ZDHHC14: variants seen among roughly 807,000 people sequenced by gnomAD.
ZDHHC14 encodes the protein zDHHC palmitoyltransferase 14.
A neutral mutation model predicts 47.7 loss-of-function variants in ZDHHC14; 16 were observed. That is an observed-to-expected ratio of 0.34 (90% CI 0.23 to 0.51). The LOEUF (loss-of-function observed/expected upper bound fraction) is 0.51. ZDHHC14 is among the 20% of genes least tolerant of loss of function. The pLI, the probability that ZDHHC14 is intolerant of heterozygous loss-of-function variation, is 0.97. For missense variants in ZDHHC14, 515 were observed against 662.5 expected (o/e 0.78, Z 2.44); for synonymous variants, 293 against 278.9 (o/e 1.05, Z -0.50).
At chr6:157,593,801 C>T (rs957388473) in intron 3 of ZDHHC14, among the ~76,000 whole-genome samples, 8 of 152,200 alleles carry the variant, frequency 5.3e-5, no homozygotes, top group South Asian at 2.1e-4. Flanking sequence ...ATTTGGCAAG[C>T]GCCTGTTGTC....
chr6:157,432,266 C>T (rs1241580177), intron 1 of ZDHHC14, among the ~76,000 whole-genome samples: 3 of 152,120 alleles, frequency 2.0e-5, no homozygotes, highest in Non-Finnish European at 4.4e-5. Context: ...GAGGAAAGAA[C>T]CTTATCTTGC....
At chr6:157,460,057 C>CAAAAAAAAA (rs35995673) in intron 1 of ZDHHC14, among the ~76,000 whole-genome samples, 5 of 118,178 alleles carry the variant, frequency 4.2e-5, no homozygotes, top group Admixed American at 8.9e-5. Context: ...ACTAAAAATA[C>CAAAAAAAAA]AAAAAAAAAA....
intron 6 of ZDHHC14, 139 bp downstream of exon 6, chr6:157,645,978 C>T (rs1274643354): frequency 2.3e-5 from 15 of 664,322 alleles, no homozygotes; most frequent in Middle Eastern, 3.6e-4. Context: ...GAGACGGTGC[C>T]GTGGAAACTT....
chr6:157,383,490 A>G, intron 1 of ZDHHC14, among the ~76,000 whole-genome samples: 1 of 152,158 alleles, frequency 6.6e-6, no homozygotes, highest in African/African-American at 2.4e-5. Flanking sequence ...GCTCTTCCAA[A>G]TGCTGTCTCA....
intron 1 of ZDHHC14, among the ~76,000 whole-genome samples, chr6:157,518,459 T>C (rs780049063): frequency 3.9e-5 from 6 of 151,996 alleles, no homozygotes; most frequent in African/African-American, 9.7e-5. Context: ...CCAGAGTCAG[T>C]GTGTGGTGGA....
intron 3 of ZDHHC14, among the ~76,000 whole-genome samples, chr6:157,614,135 G>A (rs920617841): frequency 6.6e-6 from 1 of 152,160 alleles, no homozygotes; most frequent in African/African-American, 2.4e-5. Context: ...CTCTTGGTAG[G>A]GGGGATGGGG....
chr6:157,581,070 T>A (rs62423203), intron 2 of ZDHHC14, among the ~76,000 whole-genome samples: 4 of 151,958 alleles, frequency 2.6e-5, no homozygotes, highest in African/African-American at 9.7e-5. Context: ...TGCTATAAAC[T>A]TCCATCTGAA....
chr6:157,511,260 C>T (rs906542452), intron 1 of ZDHHC14, among the ~76,000 whole-genome samples: 1 of 152,192 alleles, frequency 6.6e-6, no homozygotes, highest in Admixed American at 6.5e-5. Context: ...AGGAATCGCC[C>T]GCACCTGGAA....
chr6:157,606,197 G>T (rs1383797195), intron 3 of ZDHHC14, among the ~76,000 whole-genome samples: 1 of 152,168 alleles, frequency 6.6e-6, no homozygotes, highest in Admixed American at 6.5e-5. Flanking sequence ...GGAAGCGGTG[G>T]CTCATGCCTG....
rs773464822 is a variant in ZDHHC14 at position 157,586,427 on chromosome 6, C to T, written c.407-6561C>T. 4.6e-5 allele frequency among the ~76,000 whole-genome samples: 7 copies of T among 152,144 alleles called. No homozygotes were observed. The highest frequency in any genetic ancestry group is 1.0e-4 in the Non-Finnish European group (7 of 68,034). ...CCTGGAAGTAGAAAACAGCATTGCC[C>T]GCTCAGGGAAACCCAAGGAGGCCAC... On this transcript the variant is annotated intron_variant, in intron 2 of 8. Coordinates refer to ENST00000359775, the MANE Select transcript of ZDHHC14 (RefSeq NM_024630.3). The surrounding 1 kb of genome is among the most constrained non-coding windows in gnomAD (Gnocchi z 4.6).
At chr6:157,487,977 A>G (rs1779823928) in intron 1 of ZDHHC14, among the ~76,000 whole-genome samples, 1 of 152,044 alleles carries the variant, frequency 6.6e-6, no homozygotes, top group Non-Finnish European at 1.5e-5. Context: ...GCTGGAGATC[A>G]TCCCCTCTGC....
At chr6:157,607,160 A>T (rs1246481752) in intron 3 of ZDHHC14, among the ~76,000 whole-genome samples, 1 of 152,130 alleles carries the variant, frequency 6.6e-6, no homozygotes, top group Admixed American at 6.5e-5. Flanking sequence ...ACATGCTGGG[A>T]AGGGGTTCAC....
chr6:157,571,096 G>A (rs1448723065), intron 2 of ZDHHC14, among the ~76,000 whole-genome samples: 1 of 152,160 alleles, frequency 6.6e-6, no homozygotes, highest in Non-Finnish European at 1.5e-5. Context: ...AAAACAATTT[G>A]TAGGAATATT....
At chr6:157,633,051 A>G (rs1776783596) in intron 5 of ZDHHC14, among the ~76,000 whole-genome samples, 169 bp downstream of exon 5, 1 of 152,172 alleles carries the variant, frequency 6.6e-6, no homozygotes, top group African/African-American at 2.4e-5. Flanking sequence ...GACTACTTCC[A>G]TCCCTGAGTG....
intron 1 of ZDHHC14, among the ~76,000 whole-genome samples, chr6:157,444,625 C>T (rs889821172): frequency 2.4e-4 from 36 of 151,468 alleles, no homozygotes; most frequent in Non-Finnish European, 4.9e-4. Context: ...TTGCAGTGAG[C>T]CAAGATTGCA....
rs1361552950 is a variant in ZDHHC14, at chr6:157,586,879, AT to A, written c.407-6107del. 1.3e-5 allele frequency among the ~76,000 whole-genome samples: 2 copies of A among 152,178 alleles called. No individual in the cohort carries two copies. The highest frequency in any genetic ancestry group is 2.9e-5 in the Non-Finnish European group (2 of 68,022). ...AGCTTCAGTTTACTATGTCTTTTGA[AT>A]TCTAGCTTTCAGCATTTCACCTCTT... On this transcript the variant is annotated intron_variant, in intron 2 of 8. Coordinates refer to ENST00000359775, the MANE Select transcript of ZDHHC14 (RefSeq NM_024630.3). The surrounding 1 kb of genome is among the most constrained non-coding windows in gnomAD (Gnocchi z 4.6).
intron 1 of ZDHHC14, among the ~76,000 whole-genome samples, chr6:157,400,633 T>A (rs541821951): frequency 5.3e-5 from 8 of 152,280 alleles, no homozygotes; most frequent in Non-Finnish European, 8.8e-5. Context: ...CATACCCCAG[T>A]CCCCTGAGTC....
At chr6:157,539,122 G>C (rs1018680819) in intron 1 of ZDHHC14, among the ~76,000 whole-genome samples, 3 of 152,094 alleles carry the variant, frequency 2.0e-5, no homozygotes, top group African/African-American at 7.2e-5. Context: ...TGAGGTCACT[G>C]TTCTAGGCTG....
At chr6:157,591,823 T>G (rs139738509) in intron 2 of ZDHHC14, among the ~76,000 whole-genome samples, 207 of 152,300 alleles carry the variant, frequency 1.4e-3, no homozygotes, top group African/African-American at 4.7e-3. Context: ...AGTATGTGCT[T>G]TAAGAGGGTG....
Sources: allele counts gnomAD v4.1 joint callset (sites outside exome capture counted in the v4.1 genomes callset), GRCh38; gene constraint gnomAD v4.1.1; non-coding constraint Gnocchi (gnomAD v3.1); transcripts MANE v1.5; gene names NCBI Gene and HGNC (gene_info 2026-07-23, HGNC 2026-07-21).